TM4SF19: variants seen among roughly 807,000 people sequenced by gnomAD.
The protein encoded by TM4SF19 is transmembrane 4 L six family member 19.
Under a neutral mutation model 21.8 loss-of-function variants are expected in TM4SF19, and 17 were observed. The ratio of observed to expected loss-of-function variants is 0.78; its 90% confidence interval spans 0.53 to 1.17. TM4SF19 has a LOEUF of 1.17. Among genes scored for constraint, TM4SF19 ranks in the 50% most tolerant of loss-of-function variants. The probability of loss-of-function intolerance (pLI) is 0.00; values close to 1 mark genes in which losing one functional copy is unlikely to be tolerated. For missense variants in TM4SF19, 216 were observed against 252.1 expected (o/e 0.86, Z 0.97); for synonymous variants, 107 against 106.7 (o/e 1.00, Z -0.02).
chr3:196,336,145 G>GTT (rs528556680), intron 1 of TM4SF19, among the ~76,000 whole-genome samples: 1 of 147,258 alleles, frequency 6.8e-6, no homozygotes, highest in Admixed American at 6.8e-5. Context: ...TTTGTTTTTT[G>GTT]TTTTTTTTTT....
At chr3:196,331,573 A>C (rs1435554057) in intron 1 of TM4SF19, among the ~76,000 whole-genome samples, 1 of 150,708 alleles carries the variant, frequency 6.6e-6, no homozygotes, top group East Asian at 2.0e-4. Context: ...AGATCACCTG[A>C]GGTCAGGAGT....
chr3:196,324,065 TAGAAA>T, intron 4 of TM4SF19, 68 bp from the exon 5 acceptor site: 2 of 1,573,410 alleles, frequency 1.3e-6, no homozygotes, highest in African/African-American at 1.4e-5. Flanking sequence ...GCAACCCCAG[TAGAAA>T]ACTGGGGTCT....
intron 1 of TM4SF19, among the ~76,000 whole-genome samples, chr3:196,337,014 A>G (rs1727785725): frequency 6.6e-6 from 1 of 151,728 alleles, no homozygotes; most frequent in Non-Finnish European, 1.5e-5. Flanking sequence ...GAGGAGCTTA[A>G]AGTCTAGTGG....
In TM4SF19 at chr3:196,325,847, TC is replaced by T. The variant is rs1442273729; in HGVS notation, c.279+1107del. On this transcript the variant is annotated intron_variant, in intron 3 of 4. Transcript: ENST00000273695. This position sits in a 1 kb window ranked among gnomAD's most constrained non-coding sequence, Gnocchi z 4.3. ...GGGGAGGGAGCCCAGCAATCCGTGT[TC>T]CGGCAAAAGCCCTCCAGGTGATTCT... 3.3e-5 allele frequency among the ~76,000 whole-genome samples: 5 copies of T among 152,206 alleles called. No individual in the cohort carries two copies. Among genetic ancestry groups the T allele is most frequent in the African/African-American group, 1.2e-4 (5 of 41,458 alleles).
At chr3:196,335,689 G>C (rs1006005040) in intron 1 of TM4SF19, among the ~76,000 whole-genome samples, 1 of 151,910 alleles carries the variant, frequency 6.6e-6, no homozygotes, top group Non-Finnish European at 1.5e-5. Context: ...TCACAGCAAG[G>C]AACCTGTCCT....
At chr3:196,336,471 G>A (rs1727766887) in intron 1 of TM4SF19, among the ~76,000 whole-genome samples, 1 of 152,200 alleles carries the variant, frequency 6.6e-6, no homozygotes, top group Non-Finnish European at 1.5e-5. Flanking sequence ...TAAAAATGAT[G>A]GACAGCGAGG....
At chr3:196,327,655 G>A in intron 1 of TM4SF19, 64 bp from the exon 2 acceptor site, 2 of 1,391,828 alleles carry the variant, frequency 1.4e-6, no homozygotes, top group Non-Finnish European at 1.0e-6. Flanking sequence ...GGGAACTCCA[G>A]CAGCATATCA....
intron 1 of TM4SF19, among the ~76,000 whole-genome samples, chr3:196,330,950 T>C (rs1044344537): frequency 6.6e-6 from 1 of 152,190 alleles, no homozygotes; most frequent in Non-Finnish European, 1.5e-5. Flanking sequence ...TATATTTTCA[T>C]TGATATGTGA....
intron 3 of TM4SF19, 29 bp from the exon 4 acceptor site, chr3:196,324,469 A>T: frequency 6.2e-7 from 1 of 1,611,420 alleles, no homozygotes; most frequent in Non-Finnish European, 8.5e-7. Flanking sequence ...CACTGAGCTA[A>T]GACGGGGTCG....
intron 3 of TM4SF19, among the ~76,000 whole-genome samples, chr3:196,326,043 C>T (rs1382095639): frequency 6.6e-6 from 1 of 152,180 alleles, no homozygotes; most frequent in African/African-American, 2.4e-5. Context: ...GGCGCCATCT[C>T]GGCTCACTGC....
chr3:196,336,436 C>G (rs1727765755), intron 1 of TM4SF19, among the ~76,000 whole-genome samples: 1 of 152,212 alleles, frequency 6.6e-6, no homozygotes, highest in African/African-American at 2.4e-5. Flanking sequence ...CAGCGCCCAG[C>G]CCAGAAAACT....
chr3:196,324,230 C>G (rs1560200168), intron 4 of TM4SF19, 41 bp downstream of exon 4: 7 of 1,586,260 alleles, frequency 4.4e-6, no homozygotes, highest in Non-Finnish European at 6.0e-6. Flanking sequence ...CTCTCTCTCT[C>G]TCTGTCTGAA....
Position 196,338,384 on chromosome 3 carries a change from T to A in TM4SF19, c.-122A>T, listed in dbSNP as rs1385802308. The A allele has an allele frequency of 6.6e-6, 1 of 152,392 alleles. No homozygotes were observed. The highest frequency in any genetic ancestry group is 1.5e-5 in the Non-Finnish European group (1 of 68,190). The allele number at this position is 152,392 out of a possible 1,614,324, so 9.4% of individuals were successfully genotyped here. A position where few individuals can be genotyped will look rare whatever the true frequency, so the allele number is the denominator to read the frequency against. Reference sequence around the variant, plus strand: ...GACCTGAAGGTTGTCTTTCCAGGACTCTTTCCAGGAGGGCCAGGGAGGCTC... The same window carrying A: ...GACCTGAAGGTTGTCTTTCCAGGACACTTTCCAGGAGGGCCAGGGAGGCTC... On this transcript the variant is annotated 5_prime_UTR_variant, in exon 1 of 5. Coordinates refer to ENST00000273695, the MANE Select transcript of TM4SF19 (RefSeq NM_138461.4).
chr3:196,330,629 T>C (rs1193980439), intron 1 of TM4SF19, among the ~76,000 whole-genome samples: 1 of 152,222 alleles, frequency 6.6e-6, no homozygotes, highest in Non-Finnish European at 1.5e-5. Context: ...CACATGTTTC[T>C]ATATATACGA....
At chr3:196,326,389 AGTGTGTGT>A (rs10604679) in intron 3 of TM4SF19, among the ~76,000 whole-genome samples, 53,169 of 150,214 alleles carry the variant, frequency 0.35, 10,222 homozygotes, top group East Asian at 0.81. Flanking sequence ...TCTGAGAACG[AGTGTGTGT>A]GTGTGTGTGT....
In TM4SF19 at chr3:196,323,617, C is replaced by A; in HGVS notation, c.*200G>T. The A allele has an allele frequency of 1.0e-6, 1 of 983,558 alleles. No individual in the cohort carries two copies. Among genetic ancestry groups the A allele is most frequent in the African/African-American group, 1.6e-5 (1 of 61,102 alleles). 60.9% of individuals were successfully genotyped at this position (983,558 alleles called of 1,614,324 possible). A position where few individuals can be genotyped will look rare whatever the true frequency, so the allele number is the denominator to read the frequency against. On this transcript the variant is annotated 3_prime_UTR_variant, in exon 5 of 5. Coordinates refer to ENST00000273695, the MANE Select transcript of TM4SF19 (RefSeq NM_138461.4). Reference sequence around the variant, plus strand: ...TAATAACTTAGTTATTTATCCTATCCATGGATCACCTGGAAGTTTACAATG... The same window carrying A: ...TAATAACTTAGTTATTTATCCTATCAATGGATCACCTGGAAGTTTACAATG...
chr3:196,327,043 GAGA>G lies in TM4SF19; in HGVS notation c.202-14_202-12del, dbSNP rs1158798499. The G allele has an allele frequency of 6.3e-7, 1 of 1,598,100 alleles. No homozygotes were observed. Among genetic ancestry groups the G allele is most frequent in the Non-Finnish European group, 8.6e-7 (1 of 1,166,380 alleles). ...AGCTGCAGTGAGTACCTGCAGGAGA[GAGA>G]AGAATGTTGAGATGGGGAAATCGAC... On this transcript the variant is annotated splice_polypyrimidine_tract_variant and intron_variant, in intron 2 of 4. Transcript: ENST00000273695.
chr3:196,332,694 A>G (rs531851018), intron 1 of TM4SF19, among the ~76,000 whole-genome samples: 1 of 151,950 alleles, frequency 6.6e-6, no homozygotes, highest in Non-Finnish European at 1.5e-5. Flanking sequence ...GAAACCACAG[A>G]TCATACCAAA....
At chr3:196,334,625 TG>T (rs1727650786) in intron 1 of TM4SF19, among the ~76,000 whole-genome samples, 2 of 152,184 alleles carry the variant, frequency 1.3e-5, no homozygotes, top group Admixed American at 1.3e-4. Flanking sequence ...GGCTAATTTT[TG>T]TATTTTTAGT....
Sources: gnomAD v4.1 joint callset for allele counts (sites outside exome capture counted in the v4.1 genomes callset) on GRCh38, gnomAD v4.1.1 for gene constraint, Gnocchi (gnomAD v3.1) non-coding constraint, MANE v1.5 for transcripts, NCBI Gene and HGNC (gene_info 2026-07-23, HGNC 2026-07-21) for gene names.